The following PIK3C2G variants were observed in gnomAD, a reference collection of about 807,000 sequenced individuals.
PIK3C2G encodes the protein phosphatidylinositol 3-kinase C2 domain-containing subunit gamma.
In PIK3C2G, 168 loss-of-function variants were observed where a neutral mutation model predicts 181.1. The observed-to-expected ratio is 0.93, with a 90% CI of 0.82 to 1.05. The LOEUF is 1.05. PIK3C2G is among the 50% of genes least tolerant of loss of function. PIK3C2G has a pLI of 0.00. For missense variants in PIK3C2G, 1,869 were observed against 1,732.8 expected, an observed-to-expected ratio of 1.08 and a Z score of -1.40; for synonymous variants, 573 against 592.2, an observed-to-expected ratio of 0.97 and a Z score of 0.47.
At chr12:18,690,166 C>A in the PIK3C2G span, among the ~76,000 whole-genome samples, 2 of 152,236 alleles carry the variant, frequency 1.3e-5, no homozygotes, top group Admixed American at 6.5e-5. Context: ...TGGGCATATA[C>A]TTTGTGTAAG....
chr12:18,440,030 A>G (rs893816312), intron 18 of PIK3C2G, among the ~76,000 whole-genome samples: 2 of 152,106 alleles, frequency 1.3e-5, no homozygotes, highest in Admixed American at 6.6e-5. Context: ...TGTTTCTACT[A>G]TTTATTAGGT....
intron 26 of PIK3C2G, among the ~76,000 whole-genome samples, chr12:18,546,690 G>A (rs888264352): frequency 6.6e-6 from 1 of 152,024 alleles, no homozygotes; most frequent in African/African-American, 2.4e-5. Flanking sequence ...AGAGGTCATT[G>A]AAAAGAGCAA....
the PIK3C2G span, among the ~76,000 whole-genome samples, chr12:18,690,162 T>C: frequency 1.3e-5 from 2 of 152,206 alleles, no homozygotes; most frequent in South Asian, 2.1e-4. Flanking sequence ...ATATTGGGCA[T>C]ATACTTTGTG....
At chr12:18,399,188 C>A (rs1592158350) in intron 15 of PIK3C2G, among the ~76,000 whole-genome samples, 1 of 111,898 alleles carries the variant, frequency 8.9e-6, no homozygotes. Flanking sequence ...GAGCGAGACT[C>A]CGTCTCAAAA....
At chr12:18,372,399 C>T (rs1942131118) in intron 13 of PIK3C2G, 1 of 151,930 alleles carries the variant, frequency 6.6e-6, no homozygotes, top group South Asian at 2.1e-4. Flanking sequence ...AAAAACAGTC[C>T]CTATATAGGA....
At chr12:18,266,383 C>G (rs771073819) in intron 1 of PIK3C2G, among the ~76,000 whole-genome samples, 5 of 152,142 alleles carry the variant, frequency 3.3e-5, no homozygotes, top group Non-Finnish European at 5.9e-5. Context: ...AGACAGAACA[C>G]TTAACATGCC....
chr12:18,465,822 G>A (rs903506039), intron 18 of PIK3C2G, among the ~76,000 whole-genome samples: 2 of 151,742 alleles, frequency 1.3e-5, no homozygotes, highest in South Asian at 2.1e-4. Context: ...ACATTCTAAA[G>A]TTCTGAAAAT....
At chr12:18,280,729 A>G (rs1462604834) in intron 1 of PIK3C2G, among the ~76,000 whole-genome samples, 2 of 152,070 alleles carry the variant, frequency 1.3e-5, no homozygotes, top group East Asian at 1.9e-4. Flanking sequence ...TAAATAAAAC[A>G]TACATAATTG....
In PIK3C2G at chr12:18,346,547, A is replaced by G. The variant is rs11044039; in HGVS notation, c.1430-94A>G. On this transcript the variant is annotated intron_variant, in intron 10 of 32. Coordinates refer to ENST00000538779, the MANE Select transcript of PIK3C2G (RefSeq NM_001288772.2). ...AGGGTCACTTTAATTAAAATTATTG[A>G]AATTGTATTATATGACATTTCAAAG... 1.3e-3 allele frequency: 873 copies of G among 695,566 alleles called. 2 individuals carry two copies. In the African/African-American group the frequency reaches 0.014, roughly 11 times the overall value. The allele number at this position is 695,566 out of a possible 1,614,324, so 43.1% of individuals were successfully genotyped here. A position where few individuals can be genotyped will look rare whatever the true frequency, so the allele number is the denominator to read the frequency against.
intron 30 of PIK3C2G, among the ~76,000 whole-genome samples, chr12:18,595,718 G>T (rs527793699): frequency 6.6e-6 from 1 of 152,110 alleles, no homozygotes; most frequent in African/African-American, 2.4e-5. Flanking sequence ...ACAGGGCAGG[G>T]TGCTTAAAAA....
chr12:18,312,499 G>C (rs1231569077), intron 5 of PIK3C2G, among the ~76,000 whole-genome samples: 1 of 152,096 alleles, frequency 6.6e-6, no homozygotes, highest in Non-Finnish European at 1.5e-5. Context: ...GTTGAGTAGA[G>C]GGAGATGAAA....
chr12:18,686,449 T>G, the PIK3C2G span, among the ~76,000 whole-genome samples: 1 of 152,090 alleles, frequency 6.6e-6, no homozygotes, highest in Non-Finnish European at 1.5e-5. Flanking sequence ...ATTCCACCCA[T>G]CTTGAGTTTC....
chr12:18,606,404 T>C (rs1948023666), intron 30 of PIK3C2G, among the ~76,000 whole-genome samples: 1 of 152,140 alleles, frequency 6.6e-6, no homozygotes, highest in Admixed American at 6.6e-5. Flanking sequence ...CTTTTTATTA[T>C]GAAATGCAAT....
chr12:18,501,495 C>T (rs1454759053), intron 22 of PIK3C2G, among the ~76,000 whole-genome samples: 1 of 152,116 alleles, frequency 6.6e-6, no homozygotes, highest in Admixed American at 6.6e-5. Context: ...TGAGATTTGA[C>T]TGGGGACACA....
chr12:18,560,023 T>C (rs985717498), intron 26 of PIK3C2G, among the ~76,000 whole-genome samples: 45 of 151,484 alleles, frequency 3.0e-4, no homozygotes, highest in African/African-American at 9.2e-4. Context: ...TTTTGTATTT[T>C]TAGTAGAGAT....
At chr12:18,555,308 C>T (rs563571673) in intron 26 of PIK3C2G, among the ~76,000 whole-genome samples, 1 of 152,116 alleles carries the variant, frequency 6.6e-6, no homozygotes, top group South Asian at 2.1e-4. Flanking sequence ...CATAAAGCAG[C>T]GAAAAATGTT....
chr12:18,551,459 T>C (rs76583454), intron 26 of PIK3C2G, among the ~76,000 whole-genome samples: 2,435 of 152,072 alleles, frequency 0.016, 81 homozygotes, highest in African/African-American at 0.055. Flanking sequence ...ATAGAGATAG[T>C]GCTTTTCATT....
intron 5 of PIK3C2G, among the ~76,000 whole-genome samples, chr12:18,304,369 G>A (rs1260470411): frequency 6.6e-6 from 1 of 152,044 alleles, no homozygotes; most frequent in Non-Finnish European, 1.5e-5. Flanking sequence ...CAATTCTCCT[G>A]CCTCAGCCTC....
At chr12:18,278,134 A>C (rs1020547294) in intron 1 of PIK3C2G, among the ~76,000 whole-genome samples, 1 of 152,202 alleles carries the variant, frequency 6.6e-6, no homozygotes, top group African/African-American at 2.4e-5. Flanking sequence ...AAATTATCAC[A>C]AACTTTGTTG....
Sources: gnomAD v4.1 joint callset for allele counts (sites outside exome capture counted in the v4.1 genomes callset) on GRCh38, gnomAD v4.1.1 for gene constraint, MANE v1.5 for transcripts, NCBI Gene and HGNC (gene_info 2026-07-23, HGNC 2026-07-21) for gene names.